The following GPR137C variants were observed in gnomAD, a reference collection of about 807,000 sequenced individuals.
GPR137C encodes integral membrane protein GPR137C.
Under a neutral mutation model 43.4 loss-of-function variants are expected in GPR137C, and 27 were observed. The ratio of observed to expected loss-of-function variants is 0.62; its 90% CI spans 0.46 to 0.86. GPR137C has a LOEUF of 0.86. GPR137C is among the 40% of genes least tolerant of loss of function. GPR137C has a pLI of 0.00. For missense variants in GPR137C, 522 were observed against 534.6 expected, an observed-to-expected ratio of 0.98 and a Z score of 0.23; for synonymous variants, 285 against 226.9, an observed-to-expected ratio of 1.26 and a Z score of -2.30.
At chr14:52,618,088 C>G (rs2039120134) in intron 3 of GPR137C, among the ~76,000 whole-genome samples, 1 of 151,944 alleles carries the variant, frequency 6.6e-6, no homozygotes, top group Non-Finnish European at 1.5e-5. Flanking sequence ...TCAAAAGGAA[C>G]AGTCACTGAA....
rs936219175 is a variant in GPR137C, at chr14:52,555,230, A to G, written c.444+1639A>G. 1.3e-4 allele frequency among the ~76,000 whole-genome samples: 20 copies of G among 152,304 alleles called. No homozygotes were observed. The East Asian group carries it at 3.9e-3, about 29-fold the overall frequency. Reference sequence around the variant, plus strand: ...TTTTTCCCTATATATTTTGATTTACAAAATAATATGAATGATTCACTGTAA... The same window carrying G: ...TTTTTCCCTATATATTTTGATTTACGAAATAATATGAATGATTCACTGTAA... On this transcript the variant is annotated intron_variant, in intron 1 of 6. Transcript: ENST00000321662.
At chr14:52,596,546 T>C (rs1413553325) in intron 1 of GPR137C, among the ~76,000 whole-genome samples, 2 of 152,184 alleles carry the variant, frequency 1.3e-5, no homozygotes, top group Non-Finnish European at 2.9e-5. Context: ...CCCCTCCCCC[T>C]GCTGGGCTGC....
chr14:52,630,313 A>T (rs1375236905), intron 3 of GPR137C, among the ~76,000 whole-genome samples: 2 of 152,166 alleles, frequency 1.3e-5, no homozygotes, highest in South Asian at 2.1e-4. Flanking sequence ...TTCCCAAAGC[A>T]GTGCATATAA....
At chr14:52,594,755 T>G (rs1178669728) in intron 1 of GPR137C, among the ~76,000 whole-genome samples, 1 of 152,158 alleles carries the variant, frequency 6.6e-6, no homozygotes, top group Non-Finnish European at 1.5e-5. Context: ...CACCAATGGG[T>G]CTTGACTCTT....
At chr14:52,560,293 A>G (rs1422743710) in intron 1 of GPR137C, among the ~76,000 whole-genome samples, 1 of 152,198 alleles carries the variant, frequency 6.6e-6, no homozygotes, top group Non-Finnish European at 1.5e-5. Flanking sequence ...GAGTGGAAAA[A>G]TATACCCTGA....
intron 3 of GPR137C, among the ~76,000 whole-genome samples, chr14:52,617,902 TA>T (rs1295665408): frequency 3.3e-5 from 5 of 152,116 alleles, no homozygotes; most frequent in Non-Finnish European, 7.4e-5. Context: ...AGGATTAAAT[TA>T]AAAAATACAT....
chr14:52,633,987 ATTGATTG>A, intron 6 of GPR137C, 41 bp downstream of exon 6: 1 of 1,183,096 alleles, frequency 8.5e-7, no homozygotes. Context: ...TACTATTGAA[ATTGATTG>A]AAAAAAACAA....
intron 3 of GPR137C, among the ~76,000 whole-genome samples, chr14:52,610,410 A>C (rs547110259): frequency 6.6e-6 from 1 of 152,340 alleles, no homozygotes; most frequent in East Asian, 1.9e-4. Context: ...AGTCAACCTC[A>C]GTCTGAAAAT....
intron 1 of GPR137C, among the ~76,000 whole-genome samples, chr14:52,560,193 T>A (rs1359137911): frequency 1.3e-5 from 2 of 152,064 alleles, no homozygotes; most frequent in East Asian, 3.9e-4. Context: ...TGTCAAAAAA[T>A]TAAAATATTT....
intron 3 of GPR137C, among the ~76,000 whole-genome samples, chr14:52,601,917 C>T (rs2038930976): frequency 6.6e-6 from 1 of 151,714 alleles, no homozygotes; most frequent in African/African-American, 2.4e-5. Context: ...ACTAAATCCT[C>T]CAGAATTATT....
chr14:52,629,870 G>A (rs1372724266), intron 3 of GPR137C, among the ~76,000 whole-genome samples: 1 of 152,136 alleles, frequency 6.6e-6, no homozygotes, highest in Non-Finnish European at 1.5e-5. Flanking sequence ...GGATACTGAG[G>A]TGTTTAGGAG....
intron 1 of GPR137C, among the ~76,000 whole-genome samples, chr14:52,596,295 G>A (rs1386565127): frequency 6.6e-6 from 1 of 152,238 alleles, no homozygotes; most frequent in South Asian, 2.1e-4. Flanking sequence ...ACTTGAGGAG[G>A]CAGTCTGTCC....
chr14:52,613,674 A>G, intron 3 of GPR137C: 1 of 285,516 alleles, frequency 3.5e-6, no homozygotes, highest in Admixed American at 3.8e-5. Context: ...GTTGCAGATT[A>G]CAGGATCTCA....
chr14:52,565,894 T>C (rs1409818715), intron 1 of GPR137C, among the ~76,000 whole-genome samples: 1 of 152,220 alleles, frequency 6.6e-6, no homozygotes, highest in African/African-American at 2.4e-5. Context: ...ATAATTGATA[T>C]TTGCAAATCA....
At chr14:52,628,977 G>A (rs185817381) in intron 3 of GPR137C, among the ~76,000 whole-genome samples, 2 of 152,224 alleles carry the variant, frequency 1.3e-5, no homozygotes, top group African/African-American at 4.8e-5. Context: ...GTGGTCAAAA[G>A]ATTTGAATAG....
At chr14:52,573,509 T>G (rs1471732985) in intron 1 of GPR137C, among the ~76,000 whole-genome samples, 1 of 152,218 alleles carries the variant, frequency 6.6e-6, no homozygotes, top group African/African-American at 2.4e-5. Flanking sequence ...TTGGGAAAAC[T>G]GGCTAGCCAT....
chr14:52,561,061 T>A (rs1187685619), intron 1 of GPR137C, among the ~76,000 whole-genome samples: 1 of 151,872 alleles, frequency 6.6e-6, no homozygotes, highest in African/African-American at 2.4e-5. Flanking sequence ...ACAAAAAAGA[T>A]ATATGCATAG....
chr14:52,579,632 A>G (rs1338785055), intron 1 of GPR137C, among the ~76,000 whole-genome samples: 1 of 152,214 alleles, frequency 6.6e-6, no homozygotes. Context: ...GTTACAGTTT[A>G]TTACAGTGAA....
At chr14:52,609,729 A>G (rs2039018404) in intron 3 of GPR137C, among the ~76,000 whole-genome samples, 1 of 152,194 alleles carries the variant, frequency 6.6e-6, no homozygotes, top group Admixed American at 6.5e-5. Context: ...CAAGGAAGGT[A>G]CCGGGGCTGG....
Sources: gnomAD v4.1 joint callset for allele counts (sites outside exome capture counted in the v4.1 genomes callset) on GRCh38, gnomAD v4.1.1 for gene constraint, MANE v1.5 for transcripts, NCBI Gene and HGNC (gene_info 2026-07-23, HGNC 2026-07-21) for gene names.